CEP162: variants seen among roughly 807,000 people sequenced by gnomAD.
The protein encoded by CEP162 is centrosomal protein of 162 kDa.
A neutral mutation model predicts 169.2 loss-of-function variants in CEP162; 141 were observed. The observed-to-expected ratio is 0.83, with a 90% CI of 0.73 to 0.96. CEP162 has a LOEUF of 0.96. Among genes scored for constraint, CEP162 ranks in the 40% least tolerant of loss-of-function variants. CEP162 has a pLI of 0.00. For missense variants in CEP162, 1,600 were observed against 1,587.2 expected (o/e 1.01, Z -0.14); for synonymous variants, 540 against 526.4 (o/e 1.03, Z -0.35).
chr6:84,139,947 G>GGTTCTCACCAGACTGGTGTGTTCACA (rs796873264), intron 25 of CEP162, among the ~76,000 whole-genome samples: 4 of 145,484 alleles, frequency 2.7e-5, no homozygotes, highest in African/African-American at 1.1e-4. Context: ...GTGTGTTCAC[G>GGTTCTCACCAGACTGGTGTGTTCACA]GTTCTCACCA....
intron 8 of CEP162, 73 bp downstream of exon 8, chr6:84,201,664 C>A: frequency 1.3e-6 from 1 of 745,982 alleles, no homozygotes; most frequent in Non-Finnish European, 2.2e-6. Flanking sequence ...GTGACTCATT[C>A]AGAATTACTG....
intron 25 of CEP162, among the ~76,000 whole-genome samples, chr6:84,128,768 G>A (rs529998884): frequency 2.0e-4 from 31 of 151,970 alleles, no homozygotes; most frequent in Admixed American, 5.2e-4. Flanking sequence ...AGGTATACAC[G>A]TGCCATGATG....
intron 6 of CEP162, among the ~76,000 whole-genome samples, chr6:84,207,415 T>C (rs112782667): frequency 0.033 from 5,017 of 152,006 alleles, 305 homozygotes; most frequent in African/African-American, 0.11. Context: ...ATGTCCTTTG[T>C]AGGGACATGG....
intron 25 of CEP162, among the ~76,000 whole-genome samples, chr6:84,139,609 G>A (rs1291015169): frequency 6.6e-6 from 1 of 152,180 alleles, no homozygotes; most frequent in Non-Finnish European, 1.5e-5. Flanking sequence ...AAAACTGGCA[G>A]AAGCTGGTAA....
rs376553014 is a variant in CEP162, at chr6:84,185,683, T to C, written c.1402-235A>G. ...AGCAAAATAATAAAGCAAAATTAGC[T>C]TGCCAGAAACCAAGATGTGTAATTA... On this transcript the variant is annotated intron_variant, in intron 12 of 26. Transcript: ENST00000403245. Among the ~76,000 whole-genome samples, 8 of 151,550 alleles carry C rather than the reference T, an allele frequency of 5.3e-5. 1 individual carries two copies. The highest frequency in any genetic ancestry group is 2.0e-4 in the African/African-American group (8 of 40,902).
At chr6:84,149,540 A>G in intron 24 of CEP162, 22 bp downstream of exon 24, 1 of 1,554,068 alleles carries the variant, frequency 6.4e-7, no homozygotes, top group Non-Finnish European at 8.7e-7. Context: ...AAGTCAAAAG[A>G]TAAAACAGAT....
At chr6:84,129,134 T>C (rs969581927) in intron 25 of CEP162, among the ~76,000 whole-genome samples, 8 of 152,210 alleles carry the variant, frequency 5.3e-5, no homozygotes, top group African/African-American at 7.2e-5. Context: ...CTATTGTGAA[T>C]AGTGCCACAA....
intron 23 of CEP162, 118 bp from the exon 24 acceptor site, chr6:84,149,821 A>G (rs2099520438): frequency 1.3e-6 from 1 of 750,892 alleles, no homozygotes; most frequent in African/African-American, 1.8e-5. Context: ...ATGGGCACCA[A>G]TATTAACTGC....
At chr6:84,203,787 T>C (rs544950020) in intron 7 of CEP162, among the ~76,000 whole-genome samples, 194 bp downstream of exon 7, 2 of 152,234 alleles carry the variant, frequency 1.3e-5, no homozygotes, top group East Asian at 3.9e-4. Flanking sequence ...TGTCGTAATT[T>C]TTTTCATTAA....
intron 23 of CEP162, among the ~76,000 whole-genome samples, chr6:84,152,170 A>G (rs1379783948): frequency 6.6e-6 from 1 of 152,236 alleles, no homozygotes; most frequent in Non-Finnish European, 1.5e-5. Flanking sequence ...ACTGCCAACT[A>G]GCTTTAACAA....
At chr6:84,214,214 G>C (rs1418220979) in intron 5 of CEP162, among the ~76,000 whole-genome samples, 1 of 152,230 alleles carries the variant, frequency 6.6e-6, no homozygotes, top group East Asian at 1.9e-4. Context: ...GGGAGGTGGA[G>C]CTTGCAGTGA....
chr6:84,157,305 T>C (rs1242410633), intron 21 of CEP162, among the ~76,000 whole-genome samples: 11 of 152,208 alleles, frequency 7.2e-5, no homozygotes, highest in African/African-American at 2.7e-4. Context: ...GATTATCTGA[T>C]GAAAAAATCT....
In CEP162 at chr6:84,166,789, A is replaced by G. The variant is rs533336236; in HGVS notation, c.2385+2539T>C. On this transcript the variant is annotated intron_variant, in intron 18 of 26. Coordinates refer to ENST00000403245, the MANE Select transcript of CEP162 (RefSeq NM_014895.4). ...TAATTGGCACTAATTTTTAAGGTAA[A>G]AAGTAGACTATACATAAATCATAAA... 1.3e-4 allele frequency among the ~76,000 whole-genome samples: 20 copies of G among 152,326 alleles called. 1 individual carries two copies. In the South Asian group the frequency reaches 3.9e-3, roughly 30 times the overall value.
intron 25 of CEP162, among the ~76,000 whole-genome samples, chr6:84,146,360 GTACTT>G (rs1195511532): frequency 6.6e-6 from 1 of 152,086 alleles, no homozygotes; most frequent in Non-Finnish European, 1.5e-5. Flanking sequence ...CTCCCTGACA[GTACTT>G]TACTTAACAC....
chr6:84,139,547 G>C (rs571525126), intron 25 of CEP162, among the ~76,000 whole-genome samples: 2 of 152,250 alleles, frequency 1.3e-5, no homozygotes, highest in African/African-American at 4.8e-5. Context: ...AATGCAGATG[G>C]GACTTTCTGG....
At chr6:84,179,051 A>G (rs2099533621) in intron 13 of CEP162, among the ~76,000 whole-genome samples, 2 of 152,134 alleles carry the variant, frequency 1.3e-5, no homozygotes, top group Non-Finnish European at 2.9e-5. Flanking sequence ...TTCTTAATCC[A>G]GTCTATCATT....
Position 84,186,425 on chromosome 6 carries a change from T to C in CEP162, c.1308A>G (p.Thr436=), listed in dbSNP as rs1007875907. The part of the protein sequence containing the change: ...SCPQVTEVTA[T]EEHVDKMYLN... ...GGTACATTTTATCAACATGTTCTTC[T>C]GTGGCAGTTACTTCAGTTACTTGTG... The change falls in exon 12 of 27, where the codon ACA becomes ACG. Residue 436 remains threonine (T), a synonymous_variant. Transcript: ENST00000403245. 1 of 1,601,802 alleles carries C rather than the reference T, an allele frequency of 6.2e-7. No homozygotes were observed. Among genetic ancestry groups the C allele is most frequent in the Non-Finnish European group, 8.6e-7 (1 of 1,168,826 alleles).
chr6:84,190,970 C>T (rs550985587), intron 11 of CEP162, among the ~76,000 whole-genome samples: 5 of 152,188 alleles, frequency 3.3e-5, no homozygotes, highest in African/African-American at 9.7e-5. Flanking sequence ...CGTAAGCCAC[C>T]GTGCCCAGCC....
At chr6:84,177,431 C>T (rs2099532859) in intron 13 of CEP162, among the ~76,000 whole-genome samples, 1 of 152,178 alleles carries the variant, frequency 6.6e-6, no homozygotes, top group Non-Finnish European at 1.5e-5. Flanking sequence ...GCTCACGTGG[C>T]CTGTATGTGG....
Sources: gnomAD v4.1 joint callset for allele counts (sites outside exome capture counted in the v4.1 genomes callset) on GRCh38, gnomAD v4.1.1 for gene constraint, MANE v1.5 for transcripts, NCBI Gene and HGNC (gene_info 2026-07-23, HGNC 2026-07-21) for gene names.